The following CARD10 variants were observed in gnomAD, a reference collection of about 807,000 sequenced individuals.
CARD10 encodes the protein caspase recruitment domain family member 10, also known as caspase recruitment domain-containing protein 10.
A neutral mutation model predicts 114.6 loss-of-function variants in CARD10; 49 were observed. The ratio of observed to expected loss-of-function variants is 0.43; its 90% confidence interval spans 0.34 to 0.54. CARD10 has a LOEUF of 0.54. Ranked by LOEUF, CARD10 falls within the 20% of genes least tolerant of loss-of-function variation. CARD10 has a pLI of 0.03. For missense variants in CARD10, 1,206 were observed against 1,397.2 expected (o/e 0.86, Z 2.18); for synonymous variants, 602 against 593.2 (o/e 1.01, Z -0.21).
In CARD10 at chr22:37,518,013, G is replaced by A; in HGVS notation, c.331C>T (p.Leu111Phe). 6.2e-7 allele frequency: 1 copy of A among 1,614,084 alleles called. No homozygotes were observed. The highest frequency in any genetic ancestry group is 8.5e-7 in the Non-Finnish European group (1 of 1,179,988). Residue 111 changes from leucine to phenylalanine, a missense_variant, in exon 2 of 20, where the codon CTC becomes TTC. Around this residue, in one of 2 missense-constraint regions of CARD10, gnomAD observed 138 missense variants for 218.0 expected, o/e 0.63. Transcript: ENST00000251973. Reference protein sequence around the residue: ...EFYYPEHFTLLTGQEPAQRCS... With the variant: ...EFYYPEHFTLFTGQEPAQRCS... ...CGCTGGGCGGGTTCCTGGCCCGTGA[G>A]CAGCGTGAAGTGTTCGGGGTAGTAG...
chr22:37,518,234 G>A (rs1923906978), intron 1 of CARD10, 126 bp from the exon 2 acceptor site: 3 of 856,388 alleles, frequency 3.5e-6, no homozygotes, highest in Admixed American at 2.3e-5. Context: ...ACACACACAG[G>A]GGCCTGTCCC....
In CARD10 at chr22:37,494,075, C is replaced by A; in HGVS notation, c.2476+11G>T. The A allele has an allele frequency of 6.5e-7, 1 of 1,535,438 alleles. No homozygotes were observed. Among genetic ancestry groups the A allele is most frequent in the Non-Finnish European group, 8.8e-7 (1 of 1,132,420 alleles). On this transcript the variant is annotated intron_variant, in intron 16 of 19. Transcript: ENST00000251973. Reference sequence around the variant, plus strand: ...GCAACACGGGATACAGCTTTGCCCCCGCGCACTCACCTGCACAGGGCTCCA... The same window carrying A: ...GCAACACGGGATACAGCTTTGCCCCAGCGCACTCACCTGCACAGGGCTCCA...
rs374528990 is a variant in CARD10 at position 37,491,197 on chromosome 22, C to T, written c.3061G>A (p.Gly1021Ser). The T allele has an allele frequency of 1.0e-5, 16 of 1,575,612 alleles. No individual in the cohort carries two copies. Among genetic ancestry groups the T allele is most frequent in the Non-Finnish European group, 1.3e-5 (15 of 1,162,892 alleles). ...EQARLVWVEC[G>S]SSRGCPSSSE... is the part of the protein sequence containing the mutation. ...CTGCTGGGGCAGCCTCTGCTGCTGC[C>T]GCACTCCACCCACACGAGGCGGGCC... Residue 1021 changes from glycine to serine, a missense_variant, in exon 20 of 20, where the codon GGC becomes AGC. Physicochemically the swap from Gly to Ser is moderately conservative, Grantham distance 56 (BLOSUM62 0). Coordinates refer to ENST00000251973, the MANE Select transcript of CARD10 (RefSeq NM_014550.4).
chr22:37,504,066 G>A (rs1353256399), intron 9 of CARD10, 120 bp downstream of exon 9: 1 of 773,422 alleles, frequency 1.3e-6, no homozygotes, highest in Admixed American at 2.0e-5. Context: ...CCATCTGAGG[G>A]CAATAAAGGG....
At chr22:37,509,709 C>T (rs548311685) in intron 4 of CARD10, among the ~76,000 whole-genome samples, 15 of 102,440 alleles carry the variant, frequency 1.5e-4, no homozygotes, top group African/African-American at 4.4e-4. Flanking sequence ...CCTCAACCCC[C>T]ATGGCCACGA....
chr22:37,499,944 C>A (rs1391889137), intron 11 of CARD10, among the ~76,000 whole-genome samples: 1 of 152,192 alleles, frequency 6.6e-6, no homozygotes, highest in East Asian at 1.9e-4. Context: ...GCTACCAGCT[C>A]CCAGCCCCCT....
At chr22:37,514,289 C>G (rs1053488380) in intron 3 of CARD10, among the ~76,000 whole-genome samples, 1 of 151,948 alleles carries the variant, frequency 6.6e-6, no homozygotes, top group African/African-American at 2.4e-5. Context: ...CTATAAAGCA[C>G]AAGGCCGTTT....
At chr22:37,516,868 C>T (rs1187608016) in intron 2 of CARD10, among the ~76,000 whole-genome samples, 1 of 152,198 alleles carries the variant, frequency 6.6e-6, no homozygotes, top group African/African-American at 2.4e-5. Context: ...GTTATTTACC[C>T]AAGGTTTAAT....
chr22:37,516,585 G>C (rs1164869606), intron 2 of CARD10, among the ~76,000 whole-genome samples: 1 of 152,156 alleles, frequency 6.6e-6, no homozygotes, highest in Non-Finnish European at 1.5e-5. Context: ...CAAGAACTCA[G>C]AGCCGTAATA....
Position 37,503,228 on chromosome 22 carries a change from G to A in CARD10, c.1635-15C>T. The stretch of plus-strand genomic sequence containing the variant: ...TGCTGAAGGATCTGGGCAGAGAGAG[G>A]GCAGGGAGGGGGCAGGAGGTGAGGC... On this transcript the variant is annotated splice_polypyrimidine_tract_variant and intron_variant, in intron 9 of 19. Coordinates refer to ENST00000251973, the MANE Select transcript of CARD10 (RefSeq NM_014550.4). 2.5e-6 allele frequency: 4 copies of A among 1,609,016 alleles called. No individual in the cohort carries two copies. Among genetic ancestry groups the A allele is most frequent in the Non-Finnish European group, 2.5e-6 (3 of 1,177,982 alleles).
rs1923208255 is a variant in CARD10, at chr22:37,501,424, C to T, written c.1787+1178G>A. ...GCCTCCACCCCTTCCCCGAGAAGCA[C>T]GTCCTGCACAGGCAAAAACAATGTC... On this transcript the variant is annotated intron_variant, in intron 11 of 19. Coordinates refer to ENST00000251973, the MANE Select transcript of CARD10 (RefSeq NM_014550.4). This position sits in a 1 kb window ranked among gnomAD's most constrained non-coding sequence, Gnocchi z 5.4. Among the ~76,000 whole-genome samples, 1 of 147,368 alleles carries T rather than the reference C, an allele frequency of 6.8e-6. No individual in the cohort carries two copies. Among genetic ancestry groups the T allele is most frequent in the Non-Finnish European group, 1.5e-5 (1 of 66,878 alleles).
In CARD10 at chr22:37,490,731, C is replaced by T; in HGVS notation, c.*428G>A. On this transcript the variant is annotated 3_prime_UTR_variant, in exon 20 of 20. Coordinates refer to ENST00000251973, the MANE Select transcript of CARD10 (RefSeq NM_014550.4). The stretch of plus-strand genomic sequence containing the variant: ...GGTGGGAGTCACGCGGTAACGGGCT[C>T]AGGTCTCCTAGGAGCAGAACAGGCC... The T allele has an allele frequency of 6.0e-6, 1 of 167,828 alleles. No individual in the cohort carries two copies. The highest frequency in any genetic ancestry group is 1.3e-5 in the Non-Finnish European group (1 of 78,586). The allele number at this position is 167,828 out of a possible 1,614,324, so 10.4% of individuals were successfully genotyped here.
At position 37,510,366 on chromosome 22, in the gene CARD10, C is replaced by G. The variant is rs1177053530; in HGVS notation, c.755G>C (p.Arg252Pro). ...SRLEEECALL[R>P]RARGPPPGAE... The stretch of plus-strand genomic sequence containing the variant: ...CCCAGGGGGCGGGCCCCTGGCCCTT[C>G]GAAGCAGTGCACACTCTTCCTCCAG... Residue 252 changes from arginine (R) to proline (P), a missense_variant, in exon 4 of 20, where the codon CGA (arginine) becomes CCA (proline). Coordinates refer to ENST00000251973, the MANE Select transcript of CARD10 (RefSeq NM_014550.4). 3.1e-6 allele frequency: 5 copies of G among 1,613,500 alleles called. No homozygotes were observed. The highest frequency in any genetic ancestry group is 1.6e-4 in the Middle Eastern group (1 of 6,062).
Position 37,492,557 on chromosome 22 carries a change from AG to A in CARD10, c.2636-8del. 1 of 1,600,670 alleles carries A rather than the reference AG, an allele frequency of 6.2e-7. No individual in the cohort carries two copies. Among genetic ancestry groups the A allele is most frequent in the African/African-American group, 1.3e-5 (1 of 74,784 alleles). The stretch of plus-strand genomic sequence containing the variant: ...TCCTCCCCAGAGAGGCTTTCTGCAC[AG>A]GGAGTGGAGAGGGAGAGATGAAGGA... On this transcript the variant is annotated splice_polypyrimidine_tract_variant and splice_region_variant and intron_variant, in intron 17 of 19. Transcript: ENST00000251973. The surrounding 1 kb of genome is among the most constrained non-coding windows in gnomAD (Gnocchi z 5.7).
At chr22:37,503,162 C>G in intron 10 of CARD10, 23 bp downstream of exon 10, 8 of 1,609,864 alleles carry the variant, frequency 5.0e-6, no homozygotes, top group Non-Finnish European at 6.8e-6. Context: ...GGAGCCCTCC[C>G]CACGGAACTC....
intron 11 of CARD10, among the ~76,000 whole-genome samples, chr22:37,498,112 TAATAAC>T (rs901074761): frequency 8.5e-5 from 13 of 152,272 alleles, no homozygotes; most frequent in African/African-American, 3.1e-4. Flanking sequence ...AAGAATTTAA[TAATAAC>T]AATAGCAGCG....
chr22:37,517,941 G>A (rs768520535), intron 2 of CARD10, 30 bp downstream of exon 2: 8 of 1,605,390 alleles, frequency 5.0e-6, no homozygotes, highest in Middle Eastern at 3.3e-4. Flanking sequence ...TGGAGTCCGA[G>A]GTGCCAGCAT....
intron 11 of CARD10, among the ~76,000 whole-genome samples, chr22:37,498,944 G>C (rs1923112662): frequency 6.6e-6 from 1 of 151,480 alleles, no homozygotes; most frequent in South Asian, 2.1e-4. Flanking sequence ...AATGCAGGGA[G>C]AGGTGGAAAC....
chr22:37,496,734 C>A lies in CARD10; in HGVS notation c.1948-174G>T, dbSNP rs528521458. The A allele has an allele frequency of 1.6e-6, 1 of 643,882 alleles. No homozygotes were observed. Among genetic ancestry groups the A allele is most frequent in the African/African-American group, 1.8e-5 (1 of 54,466 alleles). The allele number at this position is 643,882 out of a possible 1,614,324, so 39.9% of individuals were successfully genotyped here. A position where few individuals can be genotyped will look rare whatever the true frequency, so the allele number is the denominator to read the frequency against. On this transcript the variant is annotated intron_variant, in intron 12 of 19. Coordinates refer to ENST00000251973, the MANE Select transcript of CARD10 (RefSeq NM_014550.4). The surrounding 1 kb of genome is among the most constrained non-coding windows in gnomAD (Gnocchi z 4.1). ...GACCCGTCCCCATCCACAGGACGCC[C>A]CCATCCACAGGACTCCCCAACCCGC...
Sources: gnomAD v4.1 joint callset for allele counts (sites outside exome capture counted in the v4.1 genomes callset) on GRCh38, gnomAD v4.1.1 for gene constraint, gnomAD v4.1.1 regional missense constraint, Gnocchi (gnomAD v3.1) non-coding constraint, MANE v1.5 for transcripts, NCBI Gene and HGNC (gene_info 2026-07-23, HGNC 2026-07-21) for gene names.